The following MAGI2 variants were observed in gnomAD, a reference collection of about 807,000 sequenced individuals.
MAGI2 encodes membrane associated guanylate kinase, WW and PDZ domain containing 2.
Under a neutral mutation model 133.3 loss-of-function variants are expected in MAGI2, and 35 were observed. The ratio of observed to expected loss-of-function variants is 0.26; its 90% CI spans 0.20 to 0.35. The LOEUF (loss-of-function observed/expected upper bound fraction) is 0.35. Among genes scored for constraint, MAGI2 ranks in the 10% least tolerant of loss-of-function variants. The pLI is 1.00. For synonymous variants in MAGI2, 729 were observed against 710.6 expected (o/e 1.03, Z -0.41); for missense variants, 1,636 against 1,863.4 (o/e 0.88, Z 2.25).
chr7:79,080,694 T>C (rs1240905082), intron 1 of MAGI2, among the ~76,000 whole-genome samples: 2 of 152,092 alleles, frequency 1.3e-5, no homozygotes, highest in African/African-American at 4.8e-5. Flanking sequence ...AAAACGTCGC[T>C]ATTACATAAG....
intron 21 of MAGI2, among the ~76,000 whole-genome samples, chr7:78,028,848 CAAAAAAAAAAA>C (rs56201811): frequency 1.2e-5 from 1 of 84,452 alleles, no homozygotes; most frequent in Admixed American, 1.3e-4. Context: ...GACTCCATCT[CAAAAAAAAAAA>C]AAAAAAAAAA....
chr7:78,375,134 T>C (rs566266495), intron 6 of MAGI2, among the ~76,000 whole-genome samples: 1 of 152,248 alleles, frequency 6.6e-6, no homozygotes, highest in East Asian at 1.9e-4. Flanking sequence ...TGCACCACCA[T>C]TCCCAGGCTT....
chr7:79,134,785 T>G (rs767868970), intron 1 of MAGI2, among the ~76,000 whole-genome samples: 1 of 152,186 alleles, frequency 6.6e-6, no homozygotes, highest in Non-Finnish European at 1.5e-5. Context: ...ATGCCAAGTA[T>G]GAAGGAATGT....
At chr7:78,873,431 A>G (rs140016132) in intron 2 of MAGI2, among the ~76,000 whole-genome samples, 2 of 152,098 alleles carry the variant, frequency 1.3e-5, no homozygotes, top group East Asian at 1.9e-4. Context: ...AGATTCTCAT[A>G]GTAGCGTGAA....
At position 78,981,781 on chromosome 7, in the gene MAGI2, T is replaced by C. The variant is rs117781404; in HGVS notation, c.418+25309A>G. Reference sequence around the variant, plus strand: ...CAGATAGCTCTGTCTAGAACCAATCTGAGCTTGGGATTTCTGCATTACGTA... The same window carrying C: ...CAGATAGCTCTGTCTAGAACCAATCCGAGCTTGGGATTTCTGCATTACGTA... On this transcript the variant is annotated intron_variant, in intron 2 of 21. Transcript: ENST00000354212. Among the ~76,000 whole-genome samples the C allele has an allele frequency of 1.8e-3, 277 of 152,070 alleles. 1 individual carries two copies. Among genetic ancestry groups the C allele is most frequent in the Non-Finnish European group, 3.0e-3 (204 of 67,930 alleles).
chr7:78,178,855 T>C lies in MAGI2; in HGVS notation c.2312-753A>G, dbSNP rs375111654. On this transcript the variant is annotated intron_variant, in intron 13 of 21. Transcript: ENST00000354212. ...ACTTCATGAGAGTACTCAAAATAAA[T>C]AGAAGATACTTTTCTGAAGTCAGCT... Among the ~76,000 whole-genome samples the C allele has an allele frequency of 4.0e-4, 61 of 152,280 alleles. No individual in the cohort carries two copies. In the South Asian group the frequency reaches 0.012, roughly 30 times the overall value.
chr7:79,158,313 G>C (rs2129547500), intron 1 of MAGI2, among the ~76,000 whole-genome samples: 1 of 152,066 alleles, frequency 6.6e-6, no homozygotes, highest in Non-Finnish European at 1.5e-5. Context: ...ATACATAAAA[G>C]AGCTCTAATT....
intron 1 of MAGI2, among the ~76,000 whole-genome samples, chr7:79,044,602 G>A (rs541597781): frequency 1.3e-5 from 2 of 152,054 alleles, no homozygotes; most frequent in East Asian, 3.9e-4. Context: ...GAAATAAAAG[G>A]CACTCAAATA....
At chr7:78,647,645 G>A (rs1811038736) in intron 2 of MAGI2, among the ~76,000 whole-genome samples, 1 of 152,132 alleles carries the variant, frequency 6.6e-6, no homozygotes, top group African/African-American at 2.4e-5. Context: ...CCATTACTGG[G>A]TATATACCCA....
intron 3 of MAGI2, among the ~76,000 whole-genome samples, chr7:78,542,063 C>A (rs1798454433): frequency 6.6e-6 from 1 of 152,134 alleles, no homozygotes; most frequent in African/African-American, 2.4e-5. Context: ...AGTCCATAAA[C>A]AAATAAGTGT....
rs146652681 is a variant in MAGI2 at position 78,283,419 on chromosome 7, A to C, written c.1409-26838T>G. Among the ~76,000 whole-genome samples, 3 of 152,236 alleles carry C rather than the reference A, an allele frequency of 2.0e-5. No homozygotes were observed. The East Asian group carries it at 5.8e-4, about 29-fold the overall frequency. The stretch of plus-strand genomic sequence containing the variant: ...GAATTTAAGGTAGTATTTGCCAAGA[A>C]AGAAGGTCAGTCTGATATTGTGTCA... On this transcript the variant is annotated intron_variant, in intron 9 of 21. Coordinates refer to ENST00000354212, the MANE Select transcript of MAGI2 (RefSeq NM_012301.4).
chr7:79,302,631 T>C (rs1247807991), intron 1 of MAGI2, among the ~76,000 whole-genome samples: 1 of 152,170 alleles, frequency 6.6e-6, no homozygotes, highest in Non-Finnish European at 1.5e-5. Flanking sequence ...GATGTAAAAT[T>C]CATGTAGTAA....
intron 1 of MAGI2, among the ~76,000 whole-genome samples, chr7:79,264,364 T>G (rs188184342): frequency 1.3e-3 from 193 of 152,316 alleles, no homozygotes; most frequent in African/African-American, 4.3e-3. Flanking sequence ...AGGGGTTTTT[T>G]GGTAGGAAAT....
chr7:78,357,650 C>T (rs922015634), intron 7 of MAGI2, among the ~76,000 whole-genome samples: 2 of 152,116 alleles, frequency 1.3e-5, no homozygotes, highest in Non-Finnish European at 2.9e-5. Flanking sequence ...ACAAACTCAA[C>T]AAGTAGTGCT....
intron 18 of MAGI2, among the ~76,000 whole-genome samples, chr7:78,128,075 T>C (rs1180696446): frequency 6.6e-6 from 1 of 152,162 alleles, no homozygotes; most frequent in East Asian, 1.9e-4. Flanking sequence ...AGATCATAGC[T>C]ATCAAGATTA....
chr7:79,439,929 T>G (rs1848388745), intron 1 of MAGI2, among the ~76,000 whole-genome samples: 1 of 152,074 alleles, frequency 6.6e-6, no homozygotes, highest in Non-Finnish European at 1.5e-5. Context: ...TCACTTCCTA[T>G]TCATTCTTCA....
chr7:79,171,765 TATA>T (rs1212358364), intron 1 of MAGI2, among the ~76,000 whole-genome samples: 82 of 51,332 alleles, frequency 1.6e-3, no homozygotes, highest in African/African-American at 5.3e-3. Context: ...TATATATATA[TATA>T]TATTTTTTTT....
intron 9 of MAGI2, among the ~76,000 whole-genome samples, chr7:78,294,670 C>T (rs1462718681): frequency 8.5e-5 from 13 of 152,200 alleles, no homozygotes; most frequent in African/African-American, 3.1e-4. Flanking sequence ...TGCCATCTAT[C>T]AGCAAATTCA....
chr7:79,147,590 G>A (rs1822770436), intron 1 of MAGI2, among the ~76,000 whole-genome samples: 1 of 152,176 alleles, frequency 6.6e-6, no homozygotes, highest in Non-Finnish European at 1.5e-5. Flanking sequence ...ACCCTTTGAT[G>A]TCCACCCCAG....
Sources: allele counts gnomAD v4.1 joint callset (sites outside exome capture counted in the v4.1 genomes callset), GRCh38; gene constraint gnomAD v4.1.1; transcripts MANE v1.5; gene names NCBI Gene and HGNC (gene_info 2026-07-23, HGNC 2026-07-21).